PROSER1: variants seen among roughly 807,000 people sequenced by gnomAD.
PROSER1 encodes proline and serine-rich protein 1.
In PROSER1, 36 loss-of-function variants were observed where a neutral mutation model predicts 71.8. That is an observed-to-expected ratio of 0.50 (90% CI 0.38 to 0.66). PROSER1 has a LOEUF of 0.66. PROSER1 is among the 30% of genes least tolerant of loss of function. The pLI is 0.00. For synonymous variants in PROSER1, 490 were observed against 452.4 expected, an observed-to-expected ratio of 1.08 and a Z score of -1.06; for missense variants, 1,107 against 1,135.0, an observed-to-expected ratio of 0.98 and a Z score of 0.35.
rs1372342904 is a variant in PROSER1, at chr13:39,014,399, T to C, written c.853A>G (p.Thr285Ala). The C allele has an allele frequency of 6.2e-7, 1 of 1,613,562 alleles. No homozygotes were observed. Among genetic ancestry groups the C allele is most frequent in the African/African-American group, 1.3e-5 (1 of 74,706 alleles). ...TTAATTGCCTTGACTGGGGATGCAG[T>C]AGGAACAGGAGTTGCAGCAGGTGTT... ...PSTPAATPVP[T>A]ASPVKAINHP... The change falls in exon 11 of 13, where the codon ACT (threonine) becomes GCT (alanine). Residue 285 changes from threonine (T) to alanine (A), a missense_variant. Thr to Ala is a moderately conservative substitution (Grantham distance 58). Transcript: ENST00000352251.
At position 39,037,260 on chromosome 13, in the gene PROSER1, C is replaced by T. The variant is rs1225068189; in HGVS notation, c.-18G>A. 6.2e-7 allele frequency: 1 copy of T among 1,602,196 alleles called. No homozygotes were observed. Among genetic ancestry groups the T allele is most frequent in the African/African-American group, 1.3e-5 (1 of 74,652 alleles). ...TTATCCATCTTGACTACTATCCCGA[C>T]GTGGTTTTAACAGTTATACTTGCAA... On this transcript the variant is annotated 5_prime_UTR_variant, in exon 1 of 13. Coordinates refer to ENST00000352251, the MANE Select transcript of PROSER1 (RefSeq NM_025138.5).
At chr13:39,022,880 G>T in intron 8 of PROSER1, 172 bp downstream of exon 8, 1 of 514,788 alleles carries the variant, frequency 1.9e-6, no homozygotes. Context: ...TAAACTATCT[G>T]CTGCAGTGTT....
chr13:39,030,722 A>G (rs1347322351), intron 3 of PROSER1, among the ~76,000 whole-genome samples: 1 of 151,916 alleles, frequency 6.6e-6, no homozygotes, highest in African/African-American at 2.4e-5. Flanking sequence ...CCACCACCCC[A>G]AGCCCCTTAT....
At chr13:39,025,760 A>C (rs1870518121) in intron 6 of PROSER1, among the ~76,000 whole-genome samples, 1 of 152,194 alleles carries the variant, frequency 6.6e-6, no homozygotes, top group South Asian at 2.1e-4. Context: ...ATGTGAGGTA[A>C]TAAACATTTA....
chr13:39,012,719 A>C lies in PROSER1; in HGVS notation c.2533T>G (p.Phe845Val), dbSNP rs1869724921. Residue 845 changes from phenylalanine to valine, a missense_variant, in exon 11 of 13, where the codon TTC (phenylalanine) becomes GTC (valine). Phe to Val is a conservative substitution (Grantham distance 50). Transcript: ENST00000352251. ...GCTTGTGCAACAAGAGCGGAGTTGAAATTGGAACTGAATGCTGAGGCGAAT... is the reference window on the plus strand; with the variant it reads ...GCTTGTGCAACAAGAGCGGAGTTGACATTGGAACTGAATGCTGAGGCGAAT... ...PGFASAFSSN[F>V]NSALVAQAGL... 3.1e-6 allele frequency: 5 copies of C among 1,597,204 alleles called. No individual in the cohort carries two copies. Among genetic ancestry groups the C allele is most frequent in the Non-Finnish European group, 4.3e-6 (5 of 1,172,058 alleles).
chr13:39,014,391 G>T lies in PROSER1; in HGVS notation c.861C>A (p.Ser287=). The part of the protein sequence containing the change: ...TPAATPVPTA[S]PVKAINHPSA... ...ATGGATGATTAATTGCCTTGACTGG[G>T]GATGCAGTAGGAACAGGAGTTGCAG... The change falls in exon 11 of 13, where the codon TCC becomes TCA. Residue 287 remains serine, a synonymous_variant. Coordinates refer to ENST00000352251, the MANE Select transcript of PROSER1 (RefSeq NM_025138.5). 1 of 1,614,052 alleles carries T rather than the reference G, an allele frequency of 6.2e-7. No individual in the cohort carries two copies. Among genetic ancestry groups the T allele is most frequent in the East Asian group, 2.2e-5 (1 of 44,876 alleles).
At chr13:39,018,448 TAAAGAA>T (rs1870109482) in intron 9 of PROSER1, among the ~76,000 whole-genome samples, 1 of 142,286 alleles carries the variant, frequency 7.0e-6, no homozygotes, top group Non-Finnish European at 1.5e-5. Flanking sequence ...GAGATTTAAT[TAAAGAA>T]AAAGGACTTT....
At position 39,013,347 on chromosome 13, in the gene PROSER1, C is replaced by G; in HGVS notation, c.1905G>C (p.Leu635Phe). The change falls in exon 11 of 13, where the codon TTG becomes TTC. Residue 635 changes from leucine to phenylalanine, a missense_variant. Transcript: ENST00000352251. Reference sequence around the variant, plus strand: ...TATATGCACGGCCCAATGTCCCTGACAAACCTAAAGTGCCATGAGAGGGAT... The same window carrying G: ...TATATGCACGGCCCAATGTCCCTGAGAAACCTAAAGTGCCATGAGAGGGAT... ...SGNPSHGTLG[L>F]SGTLGRAYTS... 6.2e-7 allele frequency: 1 copy of G among 1,614,210 alleles called. No homozygotes were observed. The highest frequency in any genetic ancestry group is 8.5e-7 in the Non-Finnish European group (1 of 1,180,042).
chr13:39,032,280 A>G (rs888041811), intron 2 of PROSER1, among the ~76,000 whole-genome samples: 2 of 152,192 alleles, frequency 1.3e-5, no homozygotes, highest in African/African-American at 4.8e-5. Flanking sequence ...CCTAAATGAT[A>G]CATCATTTGA....
intron 5 of PROSER1, among the ~76,000 whole-genome samples, chr13:39,027,207 A>G (rs530456259): frequency 1.9e-4 from 29 of 152,154 alleles, no homozygotes; most frequent in Admixed American, 3.3e-4. Context: ...CCTCTACTAA[A>G]TACCCCAACC....
At chr13:39,019,347 CAA>C (rs558681903) in intron 9 of PROSER1, among the ~76,000 whole-genome samples, 8 of 72,898 alleles carry the variant, frequency 1.1e-4, no homozygotes, top group Non-Finnish European at 1.4e-4. Context: ...ACTAAAAATA[CAA>C]AAAAAAAAAA....
rs73458075 is a variant in PROSER1 at position 39,031,459 on chromosome 13, G to A, written c.180+104C>T. ...CAAAGTACAATAACACATAGAGTTC[G>A]CTTTTCTAATGCAAATAAATTACAA... On this transcript the variant is annotated intron_variant, in intron 3 of 12. Coordinates refer to ENST00000352251, the MANE Select transcript of PROSER1 (RefSeq NM_025138.5). 7.4e-4 allele frequency: 631 copies of A among 855,696 alleles called. 3 individuals carry two copies. The African/African-American group carries it at 9.5e-3, about 13-fold the overall frequency. The allele number at this position is 855,696 out of a possible 1,614,324, so 53.0% of individuals were successfully genotyped here.
chr13:39,013,657 G>A lies in PROSER1; in HGVS notation c.1595C>T (p.Thr532Ile), dbSNP rs752115166. Residue 532 changes from threonine (T) to isoleucine (I), a missense_variant, in exon 11 of 13, where the codon ACT (threonine) becomes ATT (isoleucine). By Grantham distance (89) the Thr-to-Ile change is moderately conservative (BLOSUM62 -1). Transcript: ENST00000352251. ...SAIPTPQRTS[T>I]PGLALFPGLP... ...GCCTGGGAACAGGGCCAACCCTGGA[G>A]TGGAAGTCCTCTGTGGGGTAGGGAT... The A allele has an allele frequency of 2.5e-6, 4 of 1,614,202 alleles. No individual in the cohort carries two copies. Among genetic ancestry groups the A allele is most frequent in the South Asian group, 1.1e-5 (1 of 91,084 alleles).
At chr13:39,020,663 A>G (rs750461629) in intron 9 of PROSER1, among the ~76,000 whole-genome samples, 2 of 152,230 alleles carry the variant, frequency 1.3e-5, no homozygotes, top group African/African-American at 2.4e-5. Flanking sequence ...AAATTAGTCT[A>G]CCAGACTGGC....
chr13:39,033,010 T>A (rs1870929959), intron 2 of PROSER1, among the ~76,000 whole-genome samples: 1 of 151,964 alleles, frequency 6.6e-6, no homozygotes, highest in African/African-American at 2.4e-5. Context: ...AAGCTCTGCC[T>A]CCTGGGTTCA....
Position 39,014,077 on chromosome 13 carries a change from G to T in PROSER1, c.1175C>A (p.Ser392Tyr), listed in dbSNP as rs767627215. 1.9e-6 allele frequency: 3 copies of T among 1,614,192 alleles called. No individual in the cohort carries two copies. Among genetic ancestry groups the T allele is most frequent in the Non-Finnish European group, 2.5e-6 (3 of 1,180,032 alleles). Reference protein sequence around the residue: ...PGPTPRSTLGSSEAFASTSAP... With the variant: ...PGPTPRSTLGYSEAFASTSAP... ...AGAAGTAGAAGCAAATGCTTCACTG[G>T]AACCAAGAGTGGACCGTGGTGTAGG... The change falls in exon 11 of 13, where the codon TCC (serine) becomes TAC (tyrosine). Residue 392 changes from serine to tyrosine, a missense_variant. Physicochemically the swap from Ser to Tyr is moderately radical, Grantham distance 144 (BLOSUM62 -2). Coordinates refer to ENST00000352251, the MANE Select transcript of PROSER1 (RefSeq NM_025138.5).
At chr13:39,030,161 C>T (rs1390882043) in intron 3 of PROSER1, among the ~76,000 whole-genome samples, 1 of 152,116 alleles carries the variant, frequency 6.6e-6, no homozygotes, top group African/African-American at 2.4e-5. Flanking sequence ...AGCCCCTTTG[C>T]ATGTTTTTAA....
chr13:39,011,170 G>GTCGGCATATT lies in PROSER1; in HGVS notation c.*194_*195insAATATGCCGA. 1 of 583,706 alleles carries GTCGGCATATT rather than the reference G, an allele frequency of 1.7e-6. No homozygotes were observed. Among genetic ancestry groups the GTCGGCATATT allele is most frequent in the South Asian group, 2.1e-5 (1 of 47,350 alleles). 36.2% of individuals were successfully genotyped at this position (583,706 alleles called of 1,614,324 possible). A position where few individuals can be genotyped will look rare whatever the true frequency, so the allele number is the denominator to read the frequency against. On this transcript the variant is annotated 3_prime_UTR_variant, in exon 13 of 13. Coordinates refer to ENST00000352251, the MANE Select transcript of PROSER1 (RefSeq NM_025138.5). ...AATACCATTCTCCATACAATTTATT[G>GTCGGCATATT]TCAGCATATTTACATAGGGGAGTGT...
At chr13:39,015,120 C>T (rs916682903) in intron 10 of PROSER1, among the ~76,000 whole-genome samples, 5 of 152,174 alleles carry the variant, frequency 3.3e-5, no homozygotes, top group Admixed American at 3.3e-4. Flanking sequence ...AGTCTTAGTA[C>T]CTAGCACAGA....
Sources: gnomAD v4.1 joint callset for allele counts (sites outside exome capture counted in the v4.1 genomes callset) on GRCh38, gnomAD v4.1.1 for gene constraint, MANE v1.5 for transcripts, NCBI Gene and HGNC (gene_info 2026-07-23, HGNC 2026-07-21) for gene names.